Variants in FBN1 observed in about 807,000 individuals in gnomAD.
The protein encoded by FBN1 is fibrillin-1.
In FBN1, 29 loss-of-function variants were observed where a neutral mutation model predicts 365.1. The observed-to-expected ratio is 0.08, with a 90% CI of 0.06 to 0.11. The LOEUF (loss-of-function observed/expected upper bound fraction) is 0.11, where lower values mean the gene tolerates loss of function less well. FBN1 is among the 10% of genes least tolerant of loss of function. The pLI is 1.00. For missense variants in FBN1, 2,476 were observed against 3,703.2 expected (o/e 0.67, Z 8.60); for synonymous variants, 1,210 against 1,270.5 (o/e 0.95, Z 1.01).
chr15:48,456,888 G>A (rs1231734033), intron 43 of FBN1, 126 bp from the exon 44 acceptor site: 23 of 912,868 alleles, frequency 2.5e-5, no homozygotes, highest in South Asian at 4.1e-5. Context: ...ATGTGTTGGG[G>A]TGGTGGTGAT....
chr15:48,474,731 G>A, intron 32 of FBN1, 81 bp from the exon 33 acceptor site: 1 of 1,587,914 alleles, frequency 6.3e-7, no homozygotes, highest in Non-Finnish European at 8.6e-7. Context: ...TTCAAAAGTT[G>A]ACTTGCCTTC....
intron 9 of FBN1, among the ~76,000 whole-genome samples, chr15:48,524,295 G>T (rs994517831): frequency 6.6e-6 from 1 of 152,162 alleles, no homozygotes; most frequent in African/African-American, 2.4e-5. Flanking sequence ...GTGACAGTTG[G>T]AATTTTACGG....
chr15:48,549,526 T>C (rs989603153), intron 6 of FBN1, among the ~76,000 whole-genome samples: 1 of 152,216 alleles, frequency 6.6e-6, no homozygotes, highest in Non-Finnish European at 1.5e-5. Context: ...GGGTTTCTTA[T>C]AACCTGGGAT....
At chr15:48,537,581 C>T (rs987162351) in intron 7 of FBN1, 30 bp downstream of exon 7, 4 of 1,612,454 alleles carry the variant, frequency 2.5e-6, no homozygotes, top group Non-Finnish European at 3.4e-6. Flanking sequence ...TAAGATTAAT[C>T]CATTAATAAT....
chr15:48,592,573 T>C (rs977898461), intron 6 of FBN1, among the ~76,000 whole-genome samples: 1 of 152,098 alleles, frequency 6.6e-6, no homozygotes, highest in Non-Finnish European at 1.5e-5. Flanking sequence ...TAAGTTCTAC[T>C]AGTTGCTCAA....
chr15:48,616,121 A>G (rs978504039), intron 2 of FBN1, among the ~76,000 whole-genome samples: 26 of 152,186 alleles, frequency 1.7e-4, no homozygotes, highest in African/African-American at 6.0e-4. Context: ...ATTCCCTTTC[A>G]TTAGTGCATC....
At chr15:48,605,133 G>C (rs2044597027) in intron 4 of FBN1, among the ~76,000 whole-genome samples, 1 of 152,096 alleles carries the variant, frequency 6.6e-6, no homozygotes, top group African/African-American at 2.4e-5. Context: ...ATCCTAAAAG[G>C]TTTTGTAAAT....
Position 48,410,886 on chromosome 15 carries a change from G to A in FBN1, c.*104C>T. ...GTGCTTATTTATACAAATTTACTTG[G>A]TGAAAGATTGTACCTATGATATGAT... On this transcript the variant is annotated 3_prime_UTR_variant, in exon 66 of 66. Coordinates refer to ENST00000316623, the MANE Select transcript of FBN1 (RefSeq NM_000138.5). The A allele has an allele frequency of 1.8e-6, 2 of 1,139,120 alleles. No individual in the cohort carries two copies. The highest frequency in any genetic ancestry group is 2.5e-6 in the Non-Finnish European group (2 of 790,228). The allele number at this position is 1,139,120 out of a possible 1,614,324, so 70.6% of individuals were successfully genotyped here. A position where few individuals can be genotyped will look rare whatever the true frequency, so the allele number is the denominator to read the frequency against.
Position 48,568,053 on chromosome 15 carries a change from A to G in FBN1, c.538+28230T>C, listed in dbSNP as rs200849706. Among the ~76,000 whole-genome samples, 534 of 95,560 alleles carry G rather than the reference A, an allele frequency of 5.6e-3. 1 individual carries two copies. Among genetic ancestry groups the G allele is most frequent in the East Asian group, 0.011 (38 of 3,306 alleles). The allele number at this position is 95,560 out of a possible 152,430, so 62.7% of individuals were successfully genotyped here. ...AGAAAGAAAGAAAGAAAGAAAGAAG[A>G]AAGAAAGAAAGAAAGAAAGAAAGAA... On this transcript the variant is annotated intron_variant, in intron 6 of 65. Transcript: ENST00000316623.
intron 6 of FBN1, among the ~76,000 whole-genome samples, chr15:48,543,284 A>C (rs1378808027): frequency 6.6e-6 from 1 of 152,114 alleles, no homozygotes; most frequent in African/African-American, 2.4e-5. Context: ...TCTCACATCC[A>C]ACCCCTACCC....
intron 35 of FBN1, among the ~76,000 whole-genome samples, 197 bp from the exon 36 acceptor site, chr15:48,470,953 C>G (rs747418395): frequency 1.3e-5 from 2 of 152,154 alleles, no homozygotes; most frequent in South Asian, 2.1e-4. Flanking sequence ...TACTTTTCCT[C>G]AGTCTCTATT....
At chr15:48,610,408 A>T (rs2044647454) in intron 4 of FBN1, among the ~76,000 whole-genome samples, 2 of 152,172 alleles carry the variant, frequency 1.3e-5, no homozygotes, top group South Asian at 4.2e-4. Flanking sequence ...CCATTAAACA[A>T]CCATTTCATT....
chr15:48,439,244 A>G (rs1359347057), intron 50 of FBN1, among the ~76,000 whole-genome samples: 2 of 152,240 alleles, frequency 1.3e-5, no homozygotes, highest in African/African-American at 4.8e-5. Context: ...AACCTGCTCA[A>G]CCTTTCATGG....
At chr15:48,558,992 C>T (rs1034575645) in intron 6 of FBN1, among the ~76,000 whole-genome samples, 4 of 152,102 alleles carry the variant, frequency 2.6e-5, no homozygotes, top group Admixed American at 6.6e-5. Flanking sequence ...CAAGAAGTGC[C>T]GATTATCTGA....
intron 2 of FBN1, among the ~76,000 whole-genome samples, chr15:48,626,687 T>G (rs1889888955): frequency 6.6e-6 from 1 of 152,192 alleles, no homozygotes; most frequent in Non-Finnish European, 1.5e-5. Flanking sequence ...CACTTCACAA[T>G]ATTAGCAGTC....
At chr15:48,444,717 A>T in intron 48 of FBN1, 57 bp from the exon 49 acceptor site, 1 of 1,599,320 alleles carries the variant, frequency 6.3e-7, no homozygotes, top group Non-Finnish European at 8.6e-7. Flanking sequence ...CTTCCATCAA[A>T]CAATTAAAAT....
chr15:48,504,247 G>A (rs1479960980), intron 16 of FBN1, among the ~76,000 whole-genome samples: 2 of 152,206 alleles, frequency 1.3e-5, no homozygotes, highest in East Asian at 3.8e-4. Flanking sequence ...TCTCGGGCCT[G>A]TGCAGAGCAG....
chr15:48,413,149 A>C lies in FBN1; in HGVS notation c.8052-406T>G, dbSNP rs1276846647. 2.0e-5 allele frequency among the ~76,000 whole-genome samples: 3 copies of C among 152,202 alleles called. No individual in the cohort carries two copies. The East Asian group carries it at 5.8e-4, about 29-fold the overall frequency. On this transcript the variant is annotated intron_variant, in intron 64 of 65. Coordinates refer to ENST00000316623, the MANE Select transcript of FBN1 (RefSeq NM_000138.5). The stretch of plus-strand genomic sequence containing the variant: ...TGAAACAGGCTCCATGGGAGTGAGC[A>C]AGGTGTGAGACATCACTGTTGAGTT...
At chr15:48,418,272 G>T (rs1173001631) in intron 63 of FBN1, among the ~76,000 whole-genome samples, 1 of 152,196 alleles carries the variant, frequency 6.6e-6, no homozygotes, top group Non-Finnish European at 1.5e-5. Flanking sequence ...AGGAAAGAGA[G>T]AAGGCTAGAT....
Sources: gnomAD v4.1 joint callset for allele counts (sites outside exome capture counted in the v4.1 genomes callset) on GRCh38, gnomAD v4.1.1 for gene constraint, MANE v1.5 for transcripts, NCBI Gene and HGNC (gene_info 2026-07-23, HGNC 2026-07-21) for gene names.